Variants in FGF14 observed in about 807,000 individuals in gnomAD.
FGF14 encodes the protein fibroblast growth factor homologous factor 4.
A neutral mutation model predicts 25.5 loss-of-function variants in FGF14; 5 were observed. The observed-to-expected ratio is 0.20, with a 90% confidence interval of 0.10 to 0.41. The LOEUF (loss-of-function observed/expected upper bound fraction) is 0.41, where lower values mean the gene tolerates loss of function less well. FGF14 is among the 10% of genes least tolerant of loss of function. FGF14 has a pLI of 1.00. For missense variants in FGF14, 222 were observed against 320.1 expected (o/e 0.69, Z 2.34); for synonymous variants, 138 against 118.3 (o/e 1.17, Z -1.08).
At chr13:102,396,506 G>A (rs910757190) in intron 1 of FGF14, among the ~76,000 whole-genome samples, 6 of 152,206 alleles carry the variant, frequency 3.9e-5, no homozygotes, top group Admixed American at 1.3e-4. Context: ...GTTACCATAT[G>A]TATAAAAACA....
At chr13:102,078,351 T>A (rs562270054) in intron 1 of FGF14, among the ~76,000 whole-genome samples, 111 of 152,268 alleles carry the variant, frequency 7.3e-4, no homozygotes, top group African/African-American at 2.6e-3. Context: ...CATTCCACAA[T>A]GTATACATAT....
chr13:102,145,074 G>A (rs2046798454), intron 1 of FGF14, among the ~76,000 whole-genome samples: 1 of 152,092 alleles, frequency 6.6e-6, no homozygotes, highest in African/African-American at 2.4e-5. Context: ...GGTGATTTGG[G>A]TTGCCAACAG....
intron 3 of FGF14, among the ~76,000 whole-genome samples, chr13:101,858,891 GGTTTT>G (rs2044264728): frequency 6.6e-6 from 1 of 151,894 alleles, no homozygotes; most frequent in African/African-American, 2.4e-5. Flanking sequence ...TAAAAATTAG[GGTTTT>G]ATTTTTTCTC....
intron 1 of FGF14, among the ~76,000 whole-genome samples, chr13:102,372,496 G>C (rs1208674864): frequency 6.6e-6 from 1 of 152,126 alleles, no homozygotes; most frequent in Non-Finnish European, 1.5e-5. Flanking sequence ...TATGCCACTA[G>C]AAAGGCTAGC....
chr13:102,132,248 G>A (rs966448785), intron 1 of FGF14, among the ~76,000 whole-genome samples: 7 of 151,950 alleles, frequency 4.6e-5, no homozygotes, highest in Non-Finnish European at 7.4e-5. Context: ...GAGACAACAC[G>A]GGGAGATCTT....
chr13:101,871,013 G>C (rs1485371488), intron 2 of FGF14, among the ~76,000 whole-genome samples: 1 of 147,874 alleles, frequency 6.8e-6, no homozygotes, highest in Non-Finnish European at 1.5e-5. Context: ...CATAAAACAA[G>C]GTATTATAAT....
rs58666555 is a variant in FGF14, at chr13:101,981,082, A to AACACACACACACAC, written c.209-105800_209-105787dup. 3.4e-3 allele frequency among the ~76,000 whole-genome samples: 427 copies of AACACACACACACAC among 123,770 alleles called. 8 individuals are homozygous for AACACACACACACAC. In the East Asian group the frequency reaches 0.042, roughly 12 times the overall value. 81.2% of individuals were successfully genotyped at this position (123,770 alleles called of 152,430 possible). A position where few individuals can be genotyped will look rare whatever the true frequency, so the allele number is the denominator to read the frequency against. ...CATGGTGAAACCTCGTCTCTACTAA[A>AACACACACACACAC]ACACACACACACACACACACACACA... is the stretch of plus-strand genomic sequence containing the variant. On this transcript the variant is annotated intron_variant, in intron 1 of 4. Transcript: ENST00000376131.
chr13:101,821,408 A>G (rs2042150275), intron 3 of FGF14, among the ~76,000 whole-genome samples: 1 of 152,084 alleles, frequency 6.6e-6, no homozygotes, highest in Non-Finnish European at 1.5e-5. Context: ...ATTCTGTGTT[A>G]TGAATATGTT....
At chr13:101,730,818 G>T (rs142471797) in intron 3 of FGF14, among the ~76,000 whole-genome samples, 1 of 152,148 alleles carries the variant, frequency 6.6e-6, no homozygotes, top group African/African-American at 2.4e-5. Context: ...TCATGGCACC[G>T]TAATGAGGAT....
chr13:101,764,049 A>G lies in FGF14; in HGVS notation c.409-37239T>C, dbSNP rs1277749348. 2.0e-5 allele frequency among the ~76,000 whole-genome samples: 3 copies of G among 152,318 alleles called. No individual in the cohort carries two copies. The East Asian group carries it at 5.8e-4, about 29-fold the overall frequency. On this transcript the variant is annotated intron_variant, in intron 3 of 4. Coordinates refer to ENST00000376143, the MANE Select transcript of FGF14 (RefSeq NM_004115.4). ...AACCTCCCCAGAACAGCAGCTGACC[A>G]AAGTGGCAGAAGCTAGTAAGAAGTC...
At chr13:101,983,893 A>C (rs561930316) in intron 1 of FGF14, among the ~76,000 whole-genome samples, 1 of 152,232 alleles carries the variant, frequency 6.6e-6, no homozygotes, top group Admixed American at 6.5e-5. Context: ...CCCTAGGAGG[A>C]GAGCTTGGGG....
At position 102,304,036 on chromosome 13, in the gene FGF14, T is replaced by C. The variant is rs892717865; in HGVS notation, c.208+97435A>G. On this transcript the variant is annotated intron_variant, in intron 1 of 4. Coordinates refer to the FGF14 transcript ENST00000376131. ...GCCCTCAAAAGTTGGTTGGTGTTTA[T>C]TGATGCAAATGTTCAAGTTATTAAA... Among the ~76,000 whole-genome samples, 4 of 152,188 alleles carry C rather than the reference T, an allele frequency of 2.6e-5. No homozygotes were observed. The South Asian group carries it at 8.3e-4, about 31-fold the overall frequency.
intron 1 of FGF14, among the ~76,000 whole-genome samples, chr13:102,356,079 T>G (rs2057410535): frequency 6.6e-6 from 1 of 152,210 alleles, no homozygotes; most frequent in East Asian, 1.9e-4. Context: ...CAAAATAGTT[T>G]CACTACCTAA....
intron 1 of FGF14, among the ~76,000 whole-genome samples, chr13:102,023,078 AG>A (rs1370743133): frequency 4.1e-5 from 6 of 146,590 alleles, no homozygotes; most frequent in African/African-American, 1.3e-4. Context: ...ACACACACAC[AG>A]CCAACAGCCA....
intron 1 of FGF14, among the ~76,000 whole-genome samples, chr13:101,888,682 C>T (rs2064360432): frequency 6.6e-6 from 1 of 152,114 alleles, no homozygotes. Context: ...GAAATGTGTT[C>T]ATGCAGTTAA....
intron 1 of FGF14, among the ~76,000 whole-genome samples, chr13:102,101,483 A>C (rs1212576981): frequency 6.6e-6 from 1 of 152,158 alleles, no homozygotes; most frequent in Non-Finnish European, 1.5e-5. Context: ...TGTCAGCCAA[A>C]TTTATCATTT....
In FGF14 at chr13:102,161,575, AAG is replaced by A. The variant is rs1184146587; in HGVS notation, c.208+239894_208+239895del. Among the ~76,000 whole-genome samples, 12 of 5,476 alleles carry A rather than the reference AAG, an allele frequency of 2.2e-3. 1 individual carries two copies. Among genetic ancestry groups the A allele is most frequent in the Non-Finnish European group, 3.5e-3 (7 of 2,028 alleles). The allele number at this position is 5,476 out of a possible 152,430, so 3.6% of individuals were successfully genotyped here. A position where few individuals can be genotyped will look rare whatever the true frequency, so the allele number is the denominator to read the frequency against. On this transcript the variant is annotated intron_variant, in intron 1 of 4. Transcript: ENST00000376131. ...GCAACCAACTTTCTGTGAAGAAAGA[AAG>A]AAGAAGAAGAAGAAGAAGAAGAAGA...
At chr13:102,048,814 T>C (rs1248293101) in intron 1 of FGF14, among the ~76,000 whole-genome samples, 5 of 152,210 alleles carry the variant, frequency 3.3e-5, no homozygotes, top group African/African-American at 9.6e-5. Context: ...ACATTCCTTA[T>C]GTTATTTAGC....
chr13:102,207,467 C>G (rs2049975975), intron 1 of FGF14, among the ~76,000 whole-genome samples: 1 of 149,898 alleles, frequency 6.7e-6, no homozygotes, highest in Non-Finnish European at 1.5e-5. Flanking sequence ...TATAAACAAG[C>G]AAAACAACTT....
Sources: gnomAD v4.1 joint callset for allele counts (sites outside exome capture counted in the v4.1 genomes callset) on GRCh38, gnomAD v4.1.1 for gene constraint, MANE v1.5 for transcripts, NCBI Gene and HGNC (gene_info 2026-07-23, HGNC 2026-07-21) for gene names.